The following IGFL2 variants were observed in gnomAD, a reference collection of about 807,000 sequenced individuals.
IGFL2 encodes the protein insulin growth factor-like family member 2.
A neutral mutation model predicts 13.9 loss-of-function variants in IGFL2; 7 were observed. The observed-to-expected ratio is 0.51, with a 90% confidence interval of 0.29 to 0.95. IGFL2 has a LOEUF of 0.95. IGFL2 is among the 40% of genes least tolerant of loss of function. The pLI is 0.08. For synonymous variants in IGFL2, 55 were observed against 55.8 expected (o/e 0.99, Z 0.07); for missense variants, 138 against 147.8 (o/e 0.93, Z 0.34).
the IGFL2 span, chr19:46,124,122 C>T: frequency 6.2e-7 from 1 of 1,610,876 alleles, no homozygotes; most frequent in African/African-American, 1.4e-5. Flanking sequence ...TGGGTGTCGG[C>T]TGGCACAGCC....
the IGFL2 span, among the ~76,000 whole-genome samples, chr19:46,174,488 GTAACACCCTCAGCA>G: frequency 1.8e-4 from 28 of 152,188 alleles, no homozygotes; most frequent in Admixed American, 1.0e-3. Flanking sequence ...GAAGTGGCTG[GTAACACCCTCAGCA>G]TAGCTGAAAG....
At chr19:46,172,145 A>T in the IGFL2 span, among the ~76,000 whole-genome samples, 2 of 152,192 alleles carry the variant, frequency 1.3e-5, no homozygotes, top group Non-Finnish European at 2.9e-5. Flanking sequence ...ATTAACCTGG[A>T]TGTAACTGAA....
the IGFL2 span, among the ~76,000 whole-genome samples, chr19:46,135,621 A>G: frequency 1.3e-5 from 2 of 152,190 alleles, no homozygotes; most frequent in Admixed American, 6.5e-5. Flanking sequence ...GATGCAAGAA[A>G]CATGCTGGAG....
chr19:46,156,788 A>G (rs1600929476), intron 1 of IGFL2, among the ~76,000 whole-genome samples: 1 of 152,150 alleles, frequency 6.6e-6, no homozygotes, highest in East Asian at 1.9e-4. Context: ...AATAAAGAGG[A>G]GAGCAGGAGT....
At chr19:46,191,859 G>T in the IGFL2 span, among the ~76,000 whole-genome samples, 2 of 151,982 alleles carry the variant, frequency 1.3e-5, no homozygotes, top group Non-Finnish European at 2.9e-5. Context: ...TACATAGTTT[G>T]ACTAAAAGTA....
chr19:46,148,252 C>T lies in IGFL2; in HGVS notation c.-27C>T. ...AGTCACTGACCCATTTGCACTGCTG[C>T]TGTCCCATCAGCTGCTCTGAAGCTC... On this transcript the variant is annotated 5_prime_UTR_variant, in exon 1 of 4. Coordinates refer to ENST00000377693, the MANE Select transcript of IGFL2 (RefSeq NM_001135113.2). 1 of 1,550,374 alleles carries T rather than the reference C, an allele frequency of 6.5e-7. No homozygotes were observed. Among genetic ancestry groups the T allele is most frequent in the Non-Finnish European group, 8.7e-7 (1 of 1,145,746 alleles).
chr19:46,148,760 C>T (rs1183410008), intron 1 of IGFL2: 7 of 973,240 alleles, frequency 7.2e-6, no homozygotes, highest in Non-Finnish European at 1.0e-5. Context: ...AGGATTATAG[C>T]ACTGTGGATA....
At chr19:46,109,927 C>T in the IGFL2 span, among the ~76,000 whole-genome samples, 23 of 148,274 alleles carry the variant, frequency 1.6e-4, no homozygotes, top group South Asian at 2.8e-3. Flanking sequence ...TGTATACATG[C>T]GGGTCACAGG....
the IGFL2 span, among the ~76,000 whole-genome samples, chr19:46,188,428 C>T: frequency 6.6e-6 from 1 of 152,120 alleles, no homozygotes; most frequent in Non-Finnish European, 1.5e-5. Flanking sequence ...CCCCCACTCT[C>T]CTCTATATTG....
chr19:46,175,630 C>G, the IGFL2 span, among the ~76,000 whole-genome samples: 1 of 152,086 alleles, frequency 6.6e-6, no homozygotes, highest in Non-Finnish European at 1.5e-5. Context: ...CCTCTGCCTC[C>G]CAGGTTCAAG....
chr19:46,094,493 T>C, the IGFL2 span, among the ~76,000 whole-genome samples: 2,020 of 151,734 alleles, frequency 0.013, 31 homozygotes, highest in Middle Eastern at 0.027. Context: ...AATTTTGTTT[T>C]TTTCTTTTTC....
the IGFL2 span, among the ~76,000 whole-genome samples, chr19:46,171,432 G>C: frequency 6.6e-6 from 1 of 152,178 alleles, no homozygotes; most frequent in Non-Finnish European, 1.5e-5. Context: ...ACTCAGATGA[G>C]TTCGAAGATA....
intron 1 of IGFL2, among the ~76,000 whole-genome samples, chr19:46,154,064 A>T (rs1973671089): frequency 6.6e-6 from 1 of 151,630 alleles, no homozygotes; most frequent in Non-Finnish European, 1.5e-5. Flanking sequence ...TTCAACTCTC[A>T]CTTCTGAGTG....
intron 1 of IGFL2, among the ~76,000 whole-genome samples, chr19:46,158,760 C>T (rs970286787): frequency 1.3e-5 from 2 of 152,126 alleles, no homozygotes; most frequent in Non-Finnish European, 2.9e-5. Flanking sequence ...TACCCTTCAA[C>T]GTGCATGGGA....
chr19:46,202,149 A>G, the IGFL2 span, among the ~76,000 whole-genome samples: 1 of 152,158 alleles, frequency 6.6e-6, no homozygotes, highest in East Asian at 1.9e-4. Context: ...CAGGAGAGAA[A>G]GAAGAAAGAT....
the IGFL2 span, among the ~76,000 whole-genome samples, chr19:46,134,984 A>G: frequency 6.6e-6 from 1 of 152,190 alleles, no homozygotes; most frequent in African/African-American, 2.4e-5. Flanking sequence ...AGGAAGCATC[A>G]TTGGGCATCC....
At chr19:46,213,173 C>T in the IGFL2 span, among the ~76,000 whole-genome samples, 1 of 152,060 alleles carries the variant, frequency 6.6e-6, no homozygotes, top group Non-Finnish European at 1.5e-5. Context: ...TGGGGGAGGG[C>T]GGTAACTATA....
chr19:46,213,363 G>A, the IGFL2 span: 1 of 152,696 alleles, frequency 6.5e-6, no homozygotes, highest in African/African-American at 2.4e-5. Context: ...GGCCAGACAT[G>A]CCGTGACATC....
the IGFL2 span, among the ~76,000 whole-genome samples, chr19:46,168,390 T>G: frequency 6.6e-6 from 1 of 152,228 alleles, no homozygotes; most frequent in Non-Finnish European, 1.5e-5. Flanking sequence ...AAAGAACTTT[T>G]ATCTAAGGAA....
Sources: allele counts gnomAD v4.1 joint callset (sites outside exome capture counted in the v4.1 genomes callset), GRCh38; gene constraint gnomAD v4.1.1; transcripts MANE v1.5; gene names NCBI Gene and HGNC (gene_info 2026-07-23, HGNC 2026-07-21).